The following NRXN3 variants were observed in gnomAD, a reference collection of about 807,000 sequenced individuals.
The protein encoded by NRXN3 is neurexin 3, also known as neurexin III.
In NRXN3, 32 loss-of-function variants were observed where a neutral mutation model predicts 137.6. The observed-to-expected ratio is 0.23, with a 90% CI of 0.18 to 0.31. The LOEUF is 0.31. Among genes scored for constraint, NRXN3 ranks in the 10% least tolerant of loss-of-function variants. NRXN3 has a pLI of 1.00. For missense variants in NRXN3, 1,574 were observed against 2,062.5 expected, an observed-to-expected ratio of 0.76 and a Z score of 4.59; for synonymous variants, 798 against 784.5, an observed-to-expected ratio of 1.02 and a Z score of -0.29.
At chr14:78,464,056 ATTT>A (rs10714733) in intron 4 of NRXN3, among the ~76,000 whole-genome samples, 2 of 125,044 alleles carry the variant, frequency 1.6e-5, no homozygotes, top group Non-Finnish European at 1.7e-5. Flanking sequence ...TAATTAATTA[ATTT>A]TTTTTTTTTT....
chr14:79,453,603 G>A (rs1192692325), intron 15 of NRXN3, among the ~76,000 whole-genome samples: 1 of 152,178 alleles, frequency 6.6e-6, no homozygotes, highest in Non-Finnish European at 1.5e-5. Flanking sequence ...TGATACAGTA[G>A]CACAGTCTTG....
At chr14:78,976,284 A>G (rs17758056) in intron 14 of NRXN3, among the ~76,000 whole-genome samples, 13,081 of 152,076 alleles carry the variant, frequency 0.086, 870 homozygotes, top group Non-Finnish European at 0.11. Flanking sequence ...AGCAGGTTTT[A>G]TTTCTGATGT....
At chr14:79,606,039 G>A (rs1602910463) in intron 16 of NRXN3, among the ~76,000 whole-genome samples, 1 of 152,144 alleles carries the variant, frequency 6.6e-6, no homozygotes, top group Non-Finnish European at 1.5e-5. Context: ...TGAAGCAGTT[G>A]TTTTCTCTGG....
chr14:79,523,046 G>A (rs1211106041), intron 16 of NRXN3, among the ~76,000 whole-genome samples: 4 of 149,134 alleles, frequency 2.7e-5, no homozygotes, highest in African/African-American at 1.0e-4. Flanking sequence ...AGCATTACAG[G>A]CCACTTCTAA....
chr14:79,263,994 T>C (rs1192092636), intron 15 of NRXN3, among the ~76,000 whole-genome samples: 1 of 152,240 alleles, frequency 6.6e-6, no homozygotes, highest in East Asian at 1.9e-4. Flanking sequence ...ATGTCATTAT[T>C]ATTACCAACA....
intron 16 of NRXN3, among the ~76,000 whole-genome samples, chr14:79,653,023 A>G (rs962003153): frequency 6.6e-6 from 1 of 151,620 alleles, no homozygotes; most frequent in African/African-American, 2.4e-5. Context: ...TGAAAGACCT[A>G]ACTGCAGCAC....
chr14:79,200,616 G>T (rs1016376996), intron 15 of NRXN3, among the ~76,000 whole-genome samples: 1 of 152,114 alleles, frequency 6.6e-6, no homozygotes, highest in Admixed American at 6.5e-5. Context: ...GAAGGAATGA[G>T]TTAGGTTTTT....
At chr14:79,455,234 C>A (rs898120638) in intron 15 of NRXN3, among the ~76,000 whole-genome samples, 2 of 152,140 alleles carry the variant, frequency 1.3e-5, no homozygotes, top group African/African-American at 2.4e-5. Flanking sequence ...TCTTCTATAA[C>A]CTCACATGGT....
chr14:78,707,129 C>T (rs1181230575), intron 6 of NRXN3, among the ~76,000 whole-genome samples: 1 of 152,178 alleles, frequency 6.6e-6, no homozygotes, highest in African/African-American at 2.4e-5. Context: ...AAGTGCTTCA[C>T]ATGTTTTAAA....
At chr14:79,814,445 G>A (rs1300400896) in intron 20 of NRXN3, among the ~76,000 whole-genome samples, 7 of 152,184 alleles carry the variant, frequency 4.6e-5, no homozygotes, top group Non-Finnish European at 7.3e-5. Context: ...CAAACTTTCA[G>A]TCACATTATA....
intron 4 of NRXN3, among the ~76,000 whole-genome samples, chr14:78,542,365 C>T (rs1461621034): frequency 6.6e-6 from 1 of 152,250 alleles, no homozygotes; most frequent in African/African-American, 2.4e-5. Flanking sequence ...TTCCAGGCCA[C>T]TTTGTTTACC....
intron 15 of NRXN3, among the ~76,000 whole-genome samples, chr14:79,117,286 C>T (rs989339143): frequency 2.0e-5 from 3 of 152,136 alleles, no homozygotes; most frequent in African/African-American, 7.2e-5. Flanking sequence ...TTGCTTTTAG[C>T]CTGTGATATT....
At chr14:78,693,117 T>A in intron 6 of NRXN3, among the ~76,000 whole-genome samples, 1 of 151,678 alleles carries the variant, frequency 6.6e-6, no homozygotes, top group East Asian at 1.9e-4. Context: ...CAAACAAAAA[T>A]AAAGAAATAA....
intron 8 of NRXN3, among the ~76,000 whole-genome samples, chr14:78,786,577 T>C (rs1450487346): frequency 6.6e-6 from 1 of 152,110 alleles, no homozygotes; most frequent in African/African-American, 2.4e-5. Flanking sequence ...CCTGTATGAG[T>C]TGTATGTAAC....
At chr14:78,425,487 G>C (rs963186492) in intron 4 of NRXN3, among the ~76,000 whole-genome samples, 1 of 152,156 alleles carries the variant, frequency 6.6e-6, no homozygotes, top group East Asian at 1.9e-4. Context: ...ATTGGACCAG[G>C]TGGTGCTACA....
In NRXN3 at chr14:78,426,924, C is replaced by G. The variant is rs77751267; in HGVS notation, c.757+129064C>G. Reference sequence around the variant, plus strand: ...GCCCAAACCAGAGAGAGGCAGAGTTCAGATTTGGAATAAACATGTTCAGCC... The same window carrying G: ...GCCCAAACCAGAGAGAGGCAGAGTTGAGATTTGGAATAAACATGTTCAGCC... On this transcript the variant is annotated intron_variant, in intron 4 of 20. Coordinates refer to ENST00000335750, the MANE Select transcript of NRXN3 (RefSeq NM_001330195.2). Among the ~76,000 whole-genome samples the G allele has an allele frequency of 6.1e-3, 921 of 152,218 alleles. 29 individuals carry two copies. The East Asian group carries it at 0.067, about 11-fold the overall frequency.
chr14:79,337,388 T>A (rs2092332008), intron 15 of NRXN3, among the ~76,000 whole-genome samples: 1 of 152,192 alleles, frequency 6.6e-6, no homozygotes, highest in African/African-American at 2.4e-5. Flanking sequence ...TTCAAGTGAA[T>A]GTAGACTCAC....
chr14:78,446,408 CTT>C (rs532924679), intron 4 of NRXN3, among the ~76,000 whole-genome samples: 2 of 145,608 alleles, frequency 1.4e-5, no homozygotes, highest in African/African-American at 2.5e-5. Flanking sequence ...ATGCTCTAGG[CTT>C]TTTTTTTTTT....
Position 79,095,588 on chromosome 14 carries a change from G to T in NRXN3, c.3262+107447G>T, listed in dbSNP as rs773662588. Among the ~76,000 whole-genome samples the T allele has an allele frequency of 2.6e-5, 4 of 151,828 alleles. No individual in the cohort carries two copies. In the East Asian group the frequency reaches 7.7e-4, roughly 29 times the overall value. ...TTTTTTTTACCAGGCAATGCTTTAG[G>T]TGTTGAAGATAAAACAGTTAACAAT... On this transcript the variant is annotated intron_variant, in intron 15 of 20. Transcript: ENST00000335750.
Sources: gnomAD v4.1 joint callset for allele counts (sites outside exome capture counted in the v4.1 genomes callset) on GRCh38, gnomAD v4.1.1 for gene constraint, MANE v1.5 for transcripts, NCBI Gene and HGNC (gene_info 2026-07-23, HGNC 2026-07-21) for gene names.